The following TULP3 variants were observed in gnomAD, a reference collection of about 807,000 sequenced individuals.
The protein encoded by TULP3 is tubby-related protein 3.
In TULP3, 38 loss-of-function variants were observed where a neutral mutation model predicts 50.7. The ratio of observed to expected loss-of-function variants is 0.75; its 90% confidence interval spans 0.58 to 0.98. TULP3 has a LOEUF of 0.98. TULP3 is among the 50% of genes least tolerant of loss of function. The pLI is 0.00. For synonymous variants in TULP3, 183 were observed against 196.6 expected (o/e 0.93, Z 0.58); for missense variants, 550 against 568.0 (o/e 0.97, Z 0.32).
At chr12:2,911,272 T>C (rs1430363604) in intron 2 of TULP3, among the ~76,000 whole-genome samples, 1 of 152,142 alleles carries the variant, frequency 6.6e-6, no homozygotes, top group Non-Finnish European at 1.5e-5. Context: ...AGATGTTTGA[T>C]GAAAACATCT....
rs1481953528 is a variant in TULP3 at position 2,924,284 on chromosome 12, G to C, written c.394+1882G>C. Among the ~76,000 whole-genome samples, 7 of 152,174 alleles carry C rather than the reference G, an allele frequency of 4.6e-5. No homozygotes were observed. In the East Asian group the frequency reaches 1.3e-3, roughly 29 times the overall value. ...CAGCAGCTCAGGGCGTGTGGTCATAGGGTAGGAAGGGGGATGTAGAGAGAT... is the reference window on the plus strand; with the variant it reads ...CAGCAGCTCAGGGCGTGTGGTCATACGGTAGGAAGGGGGATGTAGAGAGAT... On this transcript the variant is annotated intron_variant, in intron 4 of 10. Transcript: ENST00000448120.
intron 4 of TULP3, among the ~76,000 whole-genome samples, chr12:2,929,188 G>T (rs760797574): frequency 6.6e-6 from 1 of 151,386 alleles, no homozygotes; most frequent in Non-Finnish European, 1.5e-5. Context: ...ATGGTGGCGC[G>T]CGCCTGTAGT....
At chr12:2,933,726 G>A (rs533259399) in intron 7 of TULP3, among the ~76,000 whole-genome samples, 196 bp downstream of exon 7, 1 of 152,064 alleles carries the variant, frequency 6.6e-6, no homozygotes, top group Admixed American at 6.6e-5. Flanking sequence ...CAAGGCGGGC[G>A]GATCACTTGA....
At chr12:2,931,402 A>G (rs2098197978) in intron 6 of TULP3, among the ~76,000 whole-genome samples, 162 bp downstream of exon 6, 1 of 152,232 alleles carries the variant, frequency 6.6e-6, no homozygotes, top group South Asian at 2.1e-4. Context: ...TTTTCTGCAA[A>G]GAGCTCATGG....
At chr12:2,923,505 C>A (rs1270276752) in intron 4 of TULP3, among the ~76,000 whole-genome samples, 1 of 151,878 alleles carries the variant, frequency 6.6e-6, no homozygotes, top group Non-Finnish European at 1.5e-5. Flanking sequence ...AAAAAAGTAG[C>A]CAAGCATGGT....
At position 2,920,929 on chromosome 12, in the gene TULP3, A is replaced by G. The variant is rs761230656; in HGVS notation, c.253+7A>G. 7.4e-6 allele frequency: 12 copies of G among 1,613,806 alleles called. No individual in the cohort carries two copies. The highest frequency in any genetic ancestry group is 9.3e-6 in the Non-Finnish European group (11 of 1,179,780). ...AGCAATGTCATCTTACATGGTGTGT[A>G]TTTAGGCAGCATCACTTCCTAGTGG... On this transcript the variant is annotated splice_region_variant and intron_variant, in intron 3 of 10. Transcript: ENST00000448120.
At chr12:2,892,491 A>AAATTGGGAC (rs1186839575) in intron 1 of TULP3, among the ~76,000 whole-genome samples, 1 of 152,008 alleles carries the variant, frequency 6.6e-6, no homozygotes, top group Non-Finnish European at 1.5e-5. Flanking sequence ...ATTGACTTTG[A>AAATTGGGAC]AATTGGGACC....
intron 2 of TULP3, among the ~76,000 whole-genome samples, chr12:2,918,367 C>G (rs1180482869): frequency 1.3e-5 from 2 of 151,914 alleles, no homozygotes; most frequent in African/African-American, 4.8e-5. Context: ...CCACCTCGAC[C>G]TCCCAAACTG....
chr12:2,923,604 T>A (rs530686043), intron 4 of TULP3, among the ~76,000 whole-genome samples: 312 of 149,932 alleles, frequency 2.1e-3, no homozygotes, highest in Non-Finnish European at 3.7e-3. Flanking sequence ...TGAGCCAAGA[T>A]TGCACCATTG....
chr12:2,906,656 C>T (rs557746421), intron 1 of TULP3, among the ~76,000 whole-genome samples: 90 of 151,428 alleles, frequency 5.9e-4, no homozygotes, highest in Middle Eastern at 6.8e-3. Flanking sequence ...AAAAAAATGG[C>T]TGTAATCTCA....
intron 1 of TULP3, among the ~76,000 whole-genome samples, chr12:2,907,265 T>G (rs1330924656): frequency 6.6e-6 from 1 of 151,948 alleles, no homozygotes; most frequent in African/African-American, 2.4e-5. Flanking sequence ...GAGGTCAAGG[T>G]CAGGAGATCG....
intron 6 of TULP3, among the ~76,000 whole-genome samples, chr12:2,932,579 CA>C (rs11409686): frequency 0.019 from 1,284 of 68,892 alleles, 14 homozygotes; most frequent in African/African-American, 0.058. Flanking sequence ...GACCCTATCT[CA>C]AAAAAAAAAA....
At chr12:2,902,426 A>G (rs998180925) in intron 1 of TULP3, among the ~76,000 whole-genome samples, 1 of 152,204 alleles carries the variant, frequency 6.6e-6, no homozygotes, top group African/African-American at 2.4e-5. Flanking sequence ...TCTCTCCAGT[A>G]CCACAGAAGG....
rs773335550 is a variant in TULP3, at chr12:2,937,744, A to G, written c.1023+15A>G. 6.3e-6 allele frequency: 10 copies of G among 1,589,408 alleles called. No homozygotes were observed. The highest frequency in any genetic ancestry group is 8.6e-6 in the Non-Finnish European group (10 of 1,159,750). ...AGCCACAAAACGTGAGTAAGAATGT[A>G]TTTAAATCAGTGAAAGACTCTAAAA... is the stretch of plus-strand genomic sequence containing the variant. On this transcript the variant is annotated intron_variant, in intron 9 of 10. Transcript: ENST00000448120.
intron 7 of TULP3, among the ~76,000 whole-genome samples, chr12:2,934,156 GA>G (rs2098199765): frequency 6.6e-6 from 1 of 152,064 alleles, no homozygotes; most frequent in South Asian, 2.1e-4. Flanking sequence ...GCTAAGGTGG[GA>G]GGATGACTTG....
chr12:2,927,870 G>A (rs985640795), intron 4 of TULP3, among the ~76,000 whole-genome samples: 29 of 151,986 alleles, frequency 1.9e-4, no homozygotes, highest in African/African-American at 6.8e-4. Flanking sequence ...ACTTCACCCC[G>A]CAGATACTAG....
intron 7 of TULP3, 50 bp from the exon 8 acceptor site, chr12:2,934,397 A>G (rs760181986): frequency 1.6e-5 from 20 of 1,279,232 alleles, no homozygotes; most frequent in Middle Eastern, 3.9e-4. Context: ...TTGTGTTTGT[A>G]TAAGAAAAAA....
intron 1 of TULP3, among the ~76,000 whole-genome samples, chr12:2,899,743 A>C (rs1041413119): frequency 1.3e-5 from 2 of 151,974 alleles, no homozygotes; most frequent in Non-Finnish European, 2.9e-5. Context: ...AATACAAAAA[A>C]TTAGCCGGGT....
At chr12:2,913,861 G>A (rs925971820) in intron 2 of TULP3, among the ~76,000 whole-genome samples, 5 of 151,518 alleles carry the variant, frequency 3.3e-5, no homozygotes, top group Non-Finnish European at 5.9e-5. Context: ...CGCCTGCCTC[G>A]GCCTCCCAAA....
Sources: gnomAD v4.1 joint callset for allele counts (sites outside exome capture counted in the v4.1 genomes callset) on GRCh38, gnomAD v4.1.1 for gene constraint, MANE v1.5 for transcripts, NCBI Gene and HGNC (gene_info 2026-07-23, HGNC 2026-07-21) for gene names.